RSL24D1: variants seen among roughly 807,000 people sequenced by gnomAD.
RSL24D1 encodes the protein ribosomal L24 domain containing 1, also known as probable ribosome biogenesis protein RLP24.
In RSL24D1, 6 loss-of-function variants were observed where a neutral mutation model predicts 26.2. That is an observed-to-expected ratio of 0.23 (90% confidence interval 0.13 to 0.45). The LOEUF (loss-of-function observed/expected upper bound fraction) is 0.45. Among genes scored for constraint, RSL24D1 ranks in the 20% least tolerant of loss-of-function variants. RSL24D1 has a pLI of 0.99. For synonymous variants in RSL24D1, 61 were observed against 59.1 expected (o/e 1.03, Z -0.15); for missense variants, 176 against 202.6 (o/e 0.87, Z 0.80).
At chr15:55,188,954 G>A (rs890435978) in intron 3 of RSL24D1, among the ~76,000 whole-genome samples, 1 of 152,166 alleles carries the variant, frequency 6.6e-6, no homozygotes, top group Admixed American at 6.5e-5. Flanking sequence ...CACTTTGGGA[G>A]GCCAAGGCAG....
intron 4 of RSL24D1, 130 bp from the exon 5 acceptor site, chr15:55,183,530 C>T (rs149567123): frequency 0.019 from 12,434 of 652,506 alleles, 162 homozygotes; most frequent in Middle Eastern, 0.044. Flanking sequence ...AACATGATGG[C>T]TGCCCTTCTG....
intron 3 of RSL24D1, among the ~76,000 whole-genome samples, chr15:55,189,159 C>T (rs1018713136): frequency 6.7e-6 from 1 of 149,526 alleles, no homozygotes; most frequent in Non-Finnish European, 1.5e-5. Context: ...CACCACTACA[C>T]TCCAGCCCGG....
intron 3 of RSL24D1, among the ~76,000 whole-genome samples, chr15:55,189,589 A>T (rs1372144353): frequency 6.6e-6 from 1 of 152,174 alleles, no homozygotes; most frequent in African/African-American, 2.4e-5. Context: ...CTTAAAACAT[A>T]AAGAGATTTT....
chr15:55,181,462 C>A lies in RSL24D1; in HGVS notation c.*690G>T, dbSNP rs1002570404. ...GGATTCCTCTGCTTCTAGATCAATG[C>A]TGGGCTAGAAAAGTAAAGTCTGTTC... On this transcript the variant is annotated 3_prime_UTR_variant, in exon 6 of 6. Transcript: ENST00000260443. The A allele has an allele frequency of 3.3e-5, 5 of 152,552 alleles. No homozygotes were observed. Among genetic ancestry groups the A allele is most frequent in the Non-Finnish European group, 7.4e-5 (5 of 68,024 alleles). The allele number at this position is 152,552 out of a possible 1,614,324, so 9.4% of individuals were successfully genotyped here. A position where few individuals can be genotyped will look rare whatever the true frequency, so the allele number is the denominator to read the frequency against.
chr15:55,192,886 C>G (rs971591593), intron 1 of RSL24D1, 53 bp from the exon 2 acceptor site: 1 of 1,157,808 alleles, frequency 8.6e-7, no homozygotes, highest in Non-Finnish European at 1.3e-6. Context: ...TTTTCTATCA[C>G]AAGACGTTAC....
chr15:55,182,527 G>A (rs1202029734), intron 5 of RSL24D1, among the ~76,000 whole-genome samples: 2 of 152,154 alleles, frequency 1.3e-5, no homozygotes, highest in East Asian at 3.8e-4. Flanking sequence ...TTAAGTCAAA[G>A]TGCTGGCATG....
intron 3 of RSL24D1, among the ~76,000 whole-genome samples, chr15:55,190,688 C>T (rs1894287178): frequency 6.6e-6 from 1 of 152,008 alleles, no homozygotes; most frequent in African/African-American, 2.4e-5. Context: ...TTTTCCGTCT[C>T]TATTTTTTTC....
At chr15:55,194,124 T>C (rs1037588199) in intron 1 of RSL24D1, 2 of 152,126 alleles carry the variant, frequency 1.3e-5, no homozygotes, top group African/African-American at 4.8e-5. Flanking sequence ...ATGAGGAATC[T>C]AGTTGGTTCC....
intron 1 of RSL24D1, chr15:55,195,715 G>A (rs1894347888): frequency 6.6e-6 from 1 of 152,290 alleles, no homozygotes. Context: ...GTTCCTGAGA[G>A]CAAGTATTCA....
intron 4 of RSL24D1, 44 bp downstream of exon 4, chr15:55,185,318 C>T (rs975679517): frequency 1.3e-5 from 18 of 1,425,454 alleles, no homozygotes; most frequent in Non-Finnish European, 1.5e-5. Context: ...TAAATATCTA[C>T]TAGTAATTAT....
chr15:55,190,853 A>G lies in RSL24D1; in HGVS notation c.268+122T>C, dbSNP rs1213663857. On this transcript the variant is annotated intron_variant, in intron 3 of 5. Coordinates refer to ENST00000260443, the MANE Select transcript of RSL24D1 (RefSeq NM_016304.3). Reference sequence around the variant, plus strand: ...GAACCATTAAAATGAGGATAAAATAATAAAAGCCAAGGAATGATAAATGGA... The same window carrying G: ...GAACCATTAAAATGAGGATAAAATAGTAAAAGCCAAGGAATGATAAATGGA... 7 of 697,146 alleles carry G rather than the reference A, an allele frequency of 1.0e-5. No individual in the cohort carries two copies. The African/African-American group carries it at 1.3e-4, about 13-fold the overall frequency. 43.2% of individuals were successfully genotyped at this position (697,146 alleles called of 1,614,324 possible). A position where few individuals can be genotyped will look rare whatever the true frequency, so the allele number is the denominator to read the frequency against.
At chr15:55,193,965 T>C (rs1366317211) in intron 1 of RSL24D1, among the ~76,000 whole-genome samples, 1 of 152,220 alleles carries the variant, frequency 6.6e-6, no homozygotes, top group African/African-American at 2.4e-5. Context: ...ATTTTGAGTA[T>C]TTTCAGCCCA....
intron 2 of RSL24D1, chr15:55,192,320 C>T (rs1894306900): frequency 6.3e-6 from 1 of 158,372 alleles, no homozygotes; most frequent in Non-Finnish European, 1.4e-5. Flanking sequence ...CTCACACCAA[C>T]ACTACTAATT....
At chr15:55,186,796 T>C (rs1241672584) in intron 3 of RSL24D1, among the ~76,000 whole-genome samples, 2 of 136,310 alleles carry the variant, frequency 1.5e-5, no homozygotes, top group Non-Finnish European at 3.1e-5. Flanking sequence ...GCAGTGTGGT[T>C]ATGTGAGAAT....
At chr15:55,185,289 T>TA in intron 4 of RSL24D1, 73 bp downstream of exon 4, 1 of 1,217,588 alleles carries the variant, frequency 8.2e-7, no homozygotes, top group Non-Finnish European at 1.1e-6. Flanking sequence ...AAAATTTTTT[T>TA]AAAAAATACT....
At chr15:55,185,242 T>C (rs1894212005) in intron 4 of RSL24D1, 120 bp downstream of exon 4, 1 of 586,162 alleles carries the variant, frequency 1.7e-6, no homozygotes, top group Non-Finnish European at 2.9e-6. Flanking sequence ...TATTATTCCT[T>C]GAAGTTTTTG....
At chr15:55,184,810 C>G (rs1324624608) in intron 4 of RSL24D1, among the ~76,000 whole-genome samples, 1 of 152,104 alleles carries the variant, frequency 6.6e-6, no homozygotes, top group Non-Finnish European at 1.5e-5. Flanking sequence ...CTGAGACATC[C>G]CTGCCAAAGG....
chr15:55,188,229 G>C (rs962032510), intron 3 of RSL24D1, among the ~76,000 whole-genome samples: 4 of 152,166 alleles, frequency 2.6e-5, no homozygotes, highest in Non-Finnish European at 5.9e-5. Context: ...TATTGTTCTG[G>C]AACACTACTG....
At chr15:55,196,659 G>T in intron 1 of RSL24D1, 151 bp downstream of exon 1, 1 of 680,264 alleles carries the variant, frequency 1.5e-6, no homozygotes, top group Admixed American at 2.6e-5. Flanking sequence ...GGAACGTTGA[G>T]AACGGAGGCC....
Sources: gnomAD v4.1 joint callset for allele counts (sites outside exome capture counted in the v4.1 genomes callset) on GRCh38, gnomAD v4.1.1 for gene constraint, MANE v1.5 for transcripts, NCBI Gene and HGNC (gene_info 2026-07-23, HGNC 2026-07-21) for gene names.